The following TRIM5 variants were observed in gnomAD, a reference collection of about 807,000 sequenced individuals.
TRIM5 encodes the protein tripartite motif containing 5.
TRIM5 carries 31 observed loss-of-function variants against 35.6 expected under a neutral mutation model. The ratio of observed to expected loss-of-function variants is 0.87; its 90% CI spans 0.65 to 1.18. The LOEUF is 1.18. Ranked by LOEUF, TRIM5 falls within the 50% of genes most tolerant of loss-of-function variation. The pLI is 0.00. For missense variants in TRIM5, 609 were observed against 591.6 expected, an observed-to-expected ratio of 1.03 and a Z score of -0.31; for synonymous variants, 243 against 215.6, an observed-to-expected ratio of 1.13 and a Z score of -1.11.
chr11:5,650,598 A>C, the TRIM5 span, among the ~76,000 whole-genome samples: 1 of 152,222 alleles, frequency 6.6e-6, no homozygotes, highest in Non-Finnish European at 1.5e-5. Context: ...GACCATGCAC[A>C]TGTGAGCCAC....
chr11:5,596,754 G>A, the TRIM5 span: 5 of 1,273,502 alleles, frequency 3.9e-6, no homozygotes, highest in Middle Eastern at 2.1e-4. Flanking sequence ...ACGGAGCAGA[G>A]TCGTGCGTGG....
the TRIM5 span, among the ~76,000 whole-genome samples, chr11:5,638,617 T>C: frequency 1.3e-5 from 2 of 152,208 alleles, no homozygotes; most frequent in Non-Finnish European, 2.9e-5. Context: ...ATAAAATGTT[T>C]TAGTGTCTGG....
chr11:5,665,215 T>C lies in TRIM5; in HGVS notation c.1076A>G (p.His359Arg), dbSNP rs1439525315. ...CTTGGACACGTCTACCTCCCAGTAA[T>C]GTTTCCCTGATGTGATACTTTGAGA... ...LGSQSITSGK[H>R]YWEVDVSKKT... Residue 359 changes from histidine to arginine, a missense_variant, in exon 8 of 8, where the codon CAT becomes CGT. Coordinates refer to ENST00000380034, the MANE Select transcript of TRIM5 (RefSeq NM_033034.3). The C allele has an allele frequency of 1.2e-6, 2 of 1,614,048 alleles. No homozygotes were observed. Among genetic ancestry groups the C allele is most frequent in the African/African-American group, 2.7e-5 (2 of 74,924 alleles).
intron 4 of TRIM5, among the ~76,000 whole-genome samples, chr11:5,671,048 A>G (rs1851550362): frequency 6.6e-6 from 1 of 152,086 alleles, no homozygotes; most frequent in Non-Finnish European, 1.5e-5. Flanking sequence ...CAACATGGTG[A>G]AATCCCATCT....
the TRIM5 span, among the ~76,000 whole-genome samples, chr11:5,625,513 A>G: frequency 6.6e-6 from 1 of 152,154 alleles, no homozygotes; most frequent in African/African-American, 2.4e-5. Context: ...AGCTCCTAGT[A>G]TGTGGCGTCA....
the TRIM5 span, chr11:5,632,458 A>G: frequency 6.2e-7 from 1 of 1,614,086 alleles, no homozygotes; most frequent in Non-Finnish European, 8.5e-7. Context: ...CACTGTGAGC[A>G]ACAAGGAGGC....
chr11:5,663,667 A>ATTAT lies in TRIM5; in HGVS notation c.*1141_*1142insATAA. On this transcript the variant is annotated 3_prime_UTR_variant, in exon 8 of 8. Coordinates refer to ENST00000380034, the MANE Select transcript of TRIM5 (RefSeq NM_033034.3). ...TGACAAATAATAAATATACATATTT[A>ATTAT]TGTGGTACAGTGTGATGTTTTGATA... 1.3e-6 allele frequency: 1 copy of ATTAT among 756,072 alleles called. No homozygotes were observed. The highest frequency in any genetic ancestry group is 1.6e-6 in the Non-Finnish European group (1 of 620,516). The allele number at this position is 756,072 out of a possible 1,614,324, so 46.8% of individuals were successfully genotyped here. A position where few individuals can be genotyped will look rare whatever the true frequency, so the allele number is the denominator to read the frequency against.
At chr11:5,598,299 T>C in the TRIM5 span, among the ~76,000 whole-genome samples, 2 of 152,160 alleles carry the variant, frequency 1.3e-5, no homozygotes, top group East Asian at 3.8e-4. Flanking sequence ...AACTGTATGC[T>C]CCCCTCCTTC....
chr11:5,667,099 C>T (rs1252773194), intron 5 of TRIM5, among the ~76,000 whole-genome samples: 1 of 152,166 alleles, frequency 6.6e-6, no homozygotes, highest in Non-Finnish European at 1.5e-5. Context: ...TCCAACACTG[C>T]AACACCTTCT....
the TRIM5 span, among the ~76,000 whole-genome samples, chr11:5,654,973 C>T: frequency 1.3e-5 from 2 of 151,962 alleles, no homozygotes; most frequent in East Asian, 1.9e-4. Context: ...GGTGGATCAC[C>T]TGAGGTCAGG....
chr11:5,624,032 A>C, the TRIM5 span, among the ~76,000 whole-genome samples: 1 of 152,126 alleles, frequency 6.6e-6, no homozygotes, highest in African/African-American at 2.4e-5. Flanking sequence ...CTGTTTGTGG[A>C]GGCACAATGT....
At chr11:5,605,295 T>C in the TRIM5 span, 5 of 1,612,346 alleles carry the variant, frequency 3.1e-6, no homozygotes, top group Admixed American at 6.7e-5. Flanking sequence ...AGACCCTCAG[T>C]GTGACCGACT....
At chr11:5,632,480 T>C in the TRIM5 span, 1 of 1,613,934 alleles carries the variant, frequency 6.2e-7, no homozygotes, top group Non-Finnish European at 8.5e-7. Flanking sequence ...GTGACCAGCA[T>C]GGGAGGAAAA....
the TRIM5 span, chr11:5,603,634 T>G: frequency 6.2e-7 from 1 of 1,613,676 alleles, no homozygotes; most frequent in Non-Finnish European, 8.5e-7. Flanking sequence ...GCAGCTCTTC[T>G]GTCAGGAGGA....
At chr11:5,600,417 C>T in the TRIM5 span, among the ~76,000 whole-genome samples, 9 of 152,240 alleles carry the variant, frequency 5.9e-5, no homozygotes, top group African/African-American at 2.2e-4. Flanking sequence ...AGCTGAAGAG[C>T]CAGGCTAGTA....
chr11:5,684,418 T>G (rs987148515), intron 1 of TRIM5, among the ~76,000 whole-genome samples: 1 of 107,560 alleles, frequency 9.3e-6, no homozygotes, highest in African/African-American at 3.4e-5. Context: ...AGAACTCCAT[T>G]TACAGTGACA....
chr11:5,634,671 T>C, the TRIM5 span: 1 of 1,613,864 alleles, frequency 6.2e-7, no homozygotes, highest in Non-Finnish European at 8.5e-7. Context: ...CAAACAGAAT[T>C]TGATCAGCTT....
the TRIM5 span, chr11:5,634,530 CAT>C: frequency 0.031 from 7,749 of 248,806 alleles, 40 homozygotes; most frequent in South Asian, 0.064. Context: ...CACACACACA[CAT>C]ATATATATAT....
intron 1 of TRIM5, among the ~76,000 whole-genome samples, chr11:5,684,653 A>G (rs1485004803): frequency 1.3e-5 from 2 of 152,174 alleles, no homozygotes; most frequent in East Asian, 3.9e-4. Context: ...GTTCAATTAA[A>G]AAGTATAGAG....
Sources: gnomAD v4.1 joint callset for allele counts (sites outside exome capture counted in the v4.1 genomes callset) on GRCh38, gnomAD v4.1.1 for gene constraint, MANE v1.5 for transcripts, NCBI Gene and HGNC (gene_info 2026-07-23, HGNC 2026-07-21) for gene names.